The following FGD4 variants were observed in gnomAD, a reference collection of about 807,000 sequenced individuals.
The protein encoded by FGD4 is FYVE, RhoGEF and PH domain-containing protein 4.
FGD4 carries 42 observed loss-of-function variants against 102.0 expected under a neutral mutation model. That is an observed-to-expected ratio of 0.41 (90% CI 0.32 to 0.53). FGD4 has a LOEUF of 0.53. Among genes scored for constraint, FGD4 ranks in the 20% least tolerant of loss-of-function variants. The probability of loss-of-function intolerance (pLI) is 0.21; values close to 1 mark genes in which losing one functional copy is unlikely to be tolerated. For missense variants in FGD4, 902 were observed against 1,078.2 expected (o/e 0.84, Z 2.29); for synonymous variants, 380 against 375.7 (o/e 1.01, Z -0.13).
At position 32,616,332 on chromosome 12, in the gene FGD4, A is replaced by T. The variant is rs113213150; in HGVS notation, c.1750-3366A>T. 2.4e-3 allele frequency among the ~76,000 whole-genome samples: 360 copies of T among 152,336 alleles called. 2 individuals carry two copies. Among genetic ancestry groups the T allele is most frequent in the African/African-American group, 8.1e-3 (337 of 41,574 alleles). Reference sequence around the variant, plus strand: ...GGCAAAGAACCTTGGGGAAAGTGGCAGTCAGTGACTGAGGAAAAGACCCCT... The same window carrying T: ...GGCAAAGAACCTTGGGGAAAGTGGCTGTCAGTGACTGAGGAAAAGACCCCT... On this transcript the variant is annotated intron_variant, in intron 10 of 16. Transcript: ENST00000534526.
Position 32,399,639 on chromosome 12 carries a change from G to C in FGD4, c.-155G>C. On this transcript the variant is annotated 5_prime_UTR_variant, in exon 1 of 17. Transcript: ENST00000534526. The stretch of plus-strand genomic sequence containing the variant: ...ACGCCGGGAGGGAGCGTACCGGGAA[G>C]GAGAGGGAGAGGAGGCACTCGCTGA... The C allele has an allele frequency of 7.1e-7, 1 of 1,409,022 alleles. No homozygotes were observed. The allele number at this position is 1,409,022 out of a possible 1,614,324, so 87.3% of individuals were successfully genotyped here. A position where few individuals can be genotyped will look rare whatever the true frequency, so the allele number is the denominator to read the frequency against.
intron 1 of FGD4, among the ~76,000 whole-genome samples, chr12:32,416,614 T>G (rs538301105): frequency 6.6e-6 from 1 of 152,308 alleles, no homozygotes; most frequent in East Asian, 1.9e-4. Flanking sequence ...CAACACTGAT[T>G]GCAGAAATAA....
intron 1 of FGD4, among the ~76,000 whole-genome samples, chr12:32,472,639 C>T (rs1057247390): frequency 1.3e-5 from 2 of 152,372 alleles, no homozygotes; most frequent in East Asian, 1.9e-4. Context: ...CTCCACGGCG[C>T]CCAGTCCCAT....
chr12:32,625,236 A>G (rs1950078356), intron 13 of FGD4, among the ~76,000 whole-genome samples, 168 bp downstream of exon 13: 1 of 146,108 alleles, frequency 6.8e-6, no homozygotes, highest in Non-Finnish European at 1.5e-5. Context: ...GTGACTTTTC[A>G]TTCTACTTGA....
At chr12:32,529,678 A>G (rs1198616099) in intron 1 of FGD4, among the ~76,000 whole-genome samples, 1 of 151,634 alleles carries the variant, frequency 6.6e-6, no homozygotes, top group Non-Finnish European at 1.5e-5. Context: ...CCCCATCTCT[A>G]CTAAAAATAC....
At chr12:32,563,699 A>G (rs1944908068) in intron 1 of FGD4, among the ~76,000 whole-genome samples, 1 of 152,186 alleles carries the variant, frequency 6.6e-6, no homozygotes, top group Admixed American at 6.5e-5. Context: ...ACTGCACTCC[A>G]GCCTGGGCAC....
In FGD4 at chr12:32,576,385, T is replaced by A. The variant is rs1196079263; in HGVS notation, c.439T>A (p.Ser147Thr). The change falls in exon 3 of 17, where the codon TCT (serine) becomes ACT (threonine). Residue 147 changes from serine (S) to threonine (T), a missense_variant. Physicochemically the swap from Ser to Thr is moderately conservative, Grantham distance 58 (BLOSUM62 1). Coordinates refer to ENST00000534526, the MANE Select transcript of FGD4 (RefSeq NM_001370298.3). ...GGAGGAAATTAAACCTGCCTCTGCT[T>A]CTTGTGTCTCAAAAGAAAAACCCAG... Reference protein sequence around the residue: ...RMEEIKPASASCVSKEKPSKV... With the variant: ...RMEEIKPASATCVSKEKPSKV... 2 of 1,614,150 alleles carry A rather than the reference T, an allele frequency of 1.2e-6. No homozygotes were observed. The highest frequency in any genetic ancestry group is 1.1e-5 in the South Asian group (1 of 91,088).
chr12:32,461,090 T>TACA (rs1943093640), intron 1 of FGD4, among the ~76,000 whole-genome samples: 1 of 152,224 alleles, frequency 6.6e-6, no homozygotes, highest in African/African-American at 2.4e-5. Context: ...GTATCTGTGG[T>TACA]CCATAACTTA....
intron 1 of FGD4, chr12:32,534,364 T>A: frequency 6.8e-7 from 1 of 1,462,906 alleles, no homozygotes; most frequent in Non-Finnish European, 9.0e-7. Context: ...TGTGTAATCT[T>A]CAGCCTCCCT....
intron 1 of FGD4, among the ~76,000 whole-genome samples, chr12:32,467,859 T>C (rs1284797810): frequency 6.6e-6 from 1 of 151,926 alleles, no homozygotes; most frequent in East Asian, 1.9e-4. Context: ...CTACTAAAAA[T>C]ACAAAAATAA....
intron 1 of FGD4, among the ~76,000 whole-genome samples, chr12:32,518,143 T>G (rs893709397): frequency 9.2e-5 from 14 of 152,198 alleles, no homozygotes; most frequent in African/African-American, 3.1e-4. Flanking sequence ...ACTATCTGTC[T>G]AGGAACATGA....
rs770560590 is a variant in FGD4 at position 32,422,288 on chromosome 12, CTTTTTTTTTTTTTTTT to C, written c.166+22342_166+22357del. ...TTGAAGCATCTCAAATTGGGAGCTG[CTTTTTTTTTTTTTTTT>C]TTTTTTTTTTTTGAGACAGAGTCTC... On this transcript the variant is annotated intron_variant, in intron 1 of 16. Coordinates refer to ENST00000534526, the MANE Select transcript of FGD4 (RefSeq NM_001370298.3). Among the ~76,000 whole-genome samples the C allele has an allele frequency of 1.3e-4, 7 of 54,176 alleles. No individual in the cohort carries two copies. In the East Asian group the frequency reaches 1.9e-3, roughly 15 times the overall value. 35.5% of individuals were successfully genotyped at this position (54,176 alleles called of 152,430 possible).
At chr12:32,570,172 T>TGGAG (rs1945524769) in intron 2 of FGD4, among the ~76,000 whole-genome samples, 1 of 130,338 alleles carries the variant, frequency 7.7e-6, no homozygotes, top group African/African-American at 3.0e-5. Flanking sequence ...ACCCAGGAGG[T>TGGAG]GGAGGTTGCA....
chr12:32,526,024 T>C (rs976323759), intron 1 of FGD4, among the ~76,000 whole-genome samples: 4 of 152,210 alleles, frequency 2.6e-5, no homozygotes, highest in African/African-American at 9.6e-5. Context: ...CGGCGCCCAG[T>C]CCCATCGACC....
chr12:32,527,118 C>T (rs180882404), intron 1 of FGD4, among the ~76,000 whole-genome samples: 239 of 152,158 alleles, frequency 1.6e-3, no homozygotes, highest in African/African-American at 5.5e-3. Flanking sequence ...GCTGTGAAGT[C>T]CATATCTGGT....
Position 32,399,782 on chromosome 12 carries a change from G to C in FGD4, c.-12G>C, listed in dbSNP as rs1329684468. The stretch of plus-strand genomic sequence containing the variant: ...CGGGAGGAGTCGGGGAGCGGCGGTC[G>C]AGCCCGGCAGGATGAGCGACGAGGG... On this transcript the variant is annotated 5_prime_UTR_variant, in exon 1 of 17. Coordinates refer to ENST00000534526, the MANE Select transcript of FGD4 (RefSeq NM_001370298.3). 3 of 1,528,932 alleles carry C rather than the reference G, an allele frequency of 2.0e-6. No individual in the cohort carries two copies. Among genetic ancestry groups the C allele is most frequent in the South Asian group, 2.4e-5 (2 of 83,822 alleles). The allele number at this position is 1,528,932 out of a possible 1,614,324, so 94.7% of individuals were successfully genotyped here.
At chr12:32,433,672 A>G (rs1331884037) in intron 1 of FGD4, among the ~76,000 whole-genome samples, 1 of 152,062 alleles carries the variant, frequency 6.6e-6, no homozygotes, top group African/African-American at 2.4e-5. Context: ...TTTCAAAAGT[A>G]CATGTTTTAT....
intron 2 of FGD4, among the ~76,000 whole-genome samples, chr12:32,566,810 G>T (rs764551334): frequency 6.6e-6 from 1 of 152,162 alleles, no homozygotes; most frequent in African/African-American, 2.4e-5. Context: ...TATCACCCCC[G>T]ACACCTTTGT....
At chr12:32,495,351 G>A (rs1441638107) in intron 1 of FGD4, among the ~76,000 whole-genome samples, 2 of 152,068 alleles carry the variant, frequency 1.3e-5, no homozygotes, top group Non-Finnish European at 2.9e-5. Context: ...TTATGCTTTG[G>A]TTATCTTAGA....
Sources: gnomAD v4.1 joint callset for allele counts (sites outside exome capture counted in the v4.1 genomes callset) on GRCh38, gnomAD v4.1.1 for gene constraint, MANE v1.5 for transcripts, NCBI Gene and HGNC (gene_info 2026-07-23, HGNC 2026-07-21) for gene names.